The following MAGI2 variants were observed in gnomAD, a reference collection of about 807,000 sequenced individuals.
MAGI2 encodes membrane-associated guanylate kinase, WW and PDZ domain-containing protein 2.
In MAGI2, 35 loss-of-function variants were observed where a neutral mutation model predicts 133.3. The observed-to-expected ratio is 0.26, with a 90% CI of 0.20 to 0.35. MAGI2 has a LOEUF of 0.35. Among genes scored for constraint, MAGI2 ranks in the 10% least tolerant of loss-of-function variants. The pLI is 1.00. For missense variants in MAGI2, 1,636 were observed against 1,863.4 expected, an observed-to-expected ratio of 0.88 and a Z score of 2.25; for synonymous variants, 729 against 710.6, an observed-to-expected ratio of 1.03 and a Z score of -0.41.
chr7:78,028,781 G>A (rs375862414), intron 21 of MAGI2, among the ~76,000 whole-genome samples: 5 of 150,696 alleles, frequency 3.3e-5, no homozygotes, highest in African/African-American at 7.3e-5. Flanking sequence ...CCTGGGAGGC[G>A]GAGGTTGCAG....
intron 3 of MAGI2, among the ~76,000 whole-genome samples, chr7:78,569,733 GAAACACCCACATGA>G (rs1801316820): frequency 6.6e-6 from 1 of 152,024 alleles, no homozygotes; most frequent in Admixed American, 6.6e-5. Flanking sequence ...TTTCACAAAG[GAAACACCCACATGA>G]AAACATAGAA....
chr7:79,162,019 G>T (rs1824416271), intron 1 of MAGI2, among the ~76,000 whole-genome samples: 1 of 151,666 alleles, frequency 6.6e-6, no homozygotes, highest in Non-Finnish European at 1.5e-5. Context: ...AACTTACCTT[G>T]CACACTAATT....
intron 4 of MAGI2, among the ~76,000 whole-genome samples, chr7:78,511,588 A>G (rs1470712695): frequency 1.4e-5 from 2 of 144,460 alleles, no homozygotes; most frequent in African/African-American, 2.5e-5. Context: ...TGAAACATGC[A>G]CATGGTACAA....
chr7:79,109,971 G>A (rs1445200352), intron 1 of MAGI2, among the ~76,000 whole-genome samples: 1 of 152,202 alleles, frequency 6.6e-6, no homozygotes, highest in Non-Finnish European at 1.5e-5. Context: ...ACCCTAGGAG[G>A]TTGCTCCTCA....
At chr7:78,241,091 C>T (rs960533028) in intron 10 of MAGI2, among the ~76,000 whole-genome samples, 1 of 151,858 alleles carries the variant, frequency 6.6e-6, no homozygotes, top group Non-Finnish European at 1.5e-5. Flanking sequence ...TGCTCATTGC[C>T]GTATTTCCAG....
chr7:78,682,541 A>G (rs1294883160), intron 2 of MAGI2, among the ~76,000 whole-genome samples: 1 of 152,182 alleles, frequency 6.6e-6, no homozygotes, highest in African/African-American at 2.4e-5. Flanking sequence ...CCTGCAAACG[A>G]CATGAACTCA....
intron 2 of MAGI2, among the ~76,000 whole-genome samples, chr7:78,650,364 T>C (rs983733588): frequency 4.6e-5 from 7 of 152,156 alleles, no homozygotes; most frequent in African/African-American, 1.2e-4. Flanking sequence ...TCCAGGGCTA[T>C]AGAATGGGTT....
intron 21 of MAGI2, among the ~76,000 whole-genome samples, chr7:78,050,740 C>G (rs186611363): frequency 6.6e-6 from 1 of 152,062 alleles, no homozygotes; most frequent in African/African-American, 2.4e-5. Flanking sequence ...AAGGCATTCT[C>G]GGGGGCCTGT....
chr7:78,713,618 T>C (rs1406267909), intron 2 of MAGI2, among the ~76,000 whole-genome samples: 1 of 152,150 alleles, frequency 6.6e-6, no homozygotes. Flanking sequence ...AAACCTTGAA[T>C]GGCGGTACAT....
chr7:78,363,222 G>A (rs536252314), intron 7 of MAGI2, among the ~76,000 whole-genome samples: 17 of 152,274 alleles, frequency 1.1e-4, no homozygotes, highest in Non-Finnish European at 1.8e-4. Context: ...GGCCGGCCGC[G>A]GTGGCTCACA....
chr7:78,067,117 A>G (rs1048177603), intron 21 of MAGI2, among the ~76,000 whole-genome samples: 12 of 152,232 alleles, frequency 7.9e-5, no homozygotes, highest in African/African-American at 2.9e-4. Context: ...CATGCTTAAC[A>G]ATAAATGTCA....
intron 20 of MAGI2, among the ~76,000 whole-genome samples, chr7:78,091,516 A>G (rs777169285): frequency 5.9e-5 from 9 of 152,202 alleles, no homozygotes; most frequent in Non-Finnish European, 1.0e-4. Context: ...TAAAGCATGC[A>G]TAGGGGCACT....
At chr7:79,138,401 G>A (rs888466766) in intron 1 of MAGI2, among the ~76,000 whole-genome samples, 1 of 152,130 alleles carries the variant, frequency 6.6e-6, no homozygotes, top group Non-Finnish European at 1.5e-5. Context: ...ACTACCCAAT[G>A]TTCCAGTCCC....
chr7:78,653,641 G>A (rs1203678970), intron 2 of MAGI2, among the ~76,000 whole-genome samples: 3 of 152,044 alleles, frequency 2.0e-5, no homozygotes, highest in African/African-American at 7.2e-5. Flanking sequence ...TCAGGGGTTT[G>A]GGGGCTAGGG....
At chr7:79,332,335 C>T (rs74558540) in intron 1 of MAGI2, among the ~76,000 whole-genome samples, 1,543 of 152,314 alleles carry the variant, frequency 0.01, 27 homozygotes, top group African/African-American at 0.035. Flanking sequence ...TATTAAATTG[C>T]GTAAGCAACT....
chr7:79,258,638 G>C (rs1278637435), intron 1 of MAGI2, among the ~76,000 whole-genome samples: 1 of 152,138 alleles, frequency 6.6e-6, no homozygotes, highest in South Asian at 2.1e-4. Flanking sequence ...TTTATTTTTA[G>C]AGATGGTGTT....
chr7:79,050,205 G>T (rs985056644), intron 1 of MAGI2, among the ~76,000 whole-genome samples: 4 of 152,060 alleles, frequency 2.6e-5, no homozygotes, highest in African/African-American at 9.7e-5. Context: ...ATGCACACGT[G>T]GGGGCTGGCT....
intron 1 of MAGI2, among the ~76,000 whole-genome samples, chr7:79,438,538 C>G (rs1029449040): frequency 6.6e-6 from 1 of 152,058 alleles, no homozygotes; most frequent in African/African-American, 2.4e-5. Flanking sequence ...TTTTCTAGAA[C>G]AGCTAAAGCC....
At chr7:78,557,549 T>A (rs913402442) in intron 3 of MAGI2, among the ~76,000 whole-genome samples, 3 of 152,148 alleles carry the variant, frequency 2.0e-5, no homozygotes, top group African/African-American at 7.2e-5. Context: ...GAAACACATA[T>A]GGAGGCTCCC....
Sources: allele counts gnomAD v4.1 joint callset (sites outside exome capture counted in the v4.1 genomes callset), GRCh38; gene constraint gnomAD v4.1.1; transcripts MANE v1.5; gene names NCBI Gene and HGNC (gene_info 2026-07-23, HGNC 2026-07-21).